LYRM4: variants seen among roughly 807,000 people sequenced by gnomAD.
LYRM4 encodes the protein LYR motif-containing protein 4.
In LYRM4, 9 loss-of-function variants were observed where a neutral mutation model predicts 11.7. The observed-to-expected ratio is 0.77, with a 90% CI of 0.46 to 1.34. LYRM4 has a LOEUF of 1.34. LYRM4 is among the 40% of genes most tolerant of loss of function. The pLI is 0.00. For synonymous variants in LYRM4, 42 were observed against 40.4 expected (o/e 1.04, Z -0.15); for missense variants, 133 against 112.5 (o/e 1.18, Z -0.82).
chr6:5,206,202 T>C (rs1463387553), intron 2 of LYRM4, among the ~76,000 whole-genome samples: 1 of 152,224 alleles, frequency 6.6e-6, no homozygotes, highest in Non-Finnish European at 1.5e-5. Context: ...TAGCATTTAT[T>C]TTCAGAACCA....
intron 2 of LYRM4, among the ~76,000 whole-genome samples, chr6:5,208,314 C>A (rs1041176549): frequency 1.2e-4 from 18 of 152,224 alleles, no homozygotes; most frequent in Admixed American, 6.5e-5. Context: ...AGAACTTCCG[C>A]TTCTTGCCTG....
At chr6:5,085,809 A>T in the LYRM4 span, 1 of 1,529,050 alleles carries the variant, frequency 6.5e-7, no homozygotes, top group Non-Finnish European at 8.8e-7. Context: ...AGGCGGTGGC[A>T]CTGGGCGGCG....
intron 1 of LYRM4, among the ~76,000 whole-genome samples, chr6:5,255,610 C>T (rs1436943403): frequency 6.6e-6 from 1 of 152,122 alleles, no homozygotes; most frequent in Non-Finnish European, 1.5e-5. Context: ...TGAAGAACCA[C>T]ATTCTTAAAC....
intron 2 of LYRM4, 103 bp downstream of exon 2, chr6:5,216,515 C>T: frequency 7.6e-7 from 1 of 1,312,754 alleles, no homozygotes; most frequent in Non-Finnish European, 1.1e-6. Context: ...CATGATCCTG[C>T]TCTGTAAATC....
At chr6:5,118,094 A>ATATATATATATATTTTTTT in intron 2 of LYRM4, among the ~76,000 whole-genome samples, 112 of 86,022 alleles carry the variant, frequency 1.3e-3, no homozygotes, top group African/African-American at 3.7e-3. Context: ...ATATATATAT[A>ATATATATATATATTTTTTT]TTTTTGTTTT....
intron 2 of LYRM4, among the ~76,000 whole-genome samples, chr6:5,118,360 G>A (rs1378334526): frequency 2.6e-5 from 4 of 151,942 alleles, no homozygotes; most frequent in East Asian, 1.9e-4. Flanking sequence ...CAGGTGATCC[G>A]CCTGACTCGG....
At chr6:5,135,833 C>T (rs1757064390) in intron 2 of LYRM4, among the ~76,000 whole-genome samples, 1 of 152,160 alleles carries the variant, frequency 6.6e-6, no homozygotes, top group African/African-American at 2.4e-5. Flanking sequence ...CATTGTTGTA[C>T]AACCATCAAC....
At chr6:5,246,764 A>C (rs912784571) in intron 1 of LYRM4, among the ~76,000 whole-genome samples, 32 of 151,982 alleles carry the variant, frequency 2.1e-4, no homozygotes, top group Non-Finnish European at 2.6e-4. Context: ...GTGGATGTGG[A>C]GCAGTTGCCT....
At chr6:5,181,709 C>T (rs557864485) in intron 2 of LYRM4, among the ~76,000 whole-genome samples, 1 of 152,180 alleles carries the variant, frequency 6.6e-6, no homozygotes, top group Non-Finnish European at 1.5e-5. Flanking sequence ...GAGATGTTGC[C>T]AAACATCCCA....
At chr6:5,117,185 A>C (rs1347911750) in intron 2 of LYRM4, among the ~76,000 whole-genome samples, 1 of 152,208 alleles carries the variant, frequency 6.6e-6, no homozygotes, top group Non-Finnish European at 1.5e-5. Context: ...TTAAACAAGC[A>C]CAGTGCCAGG....
the LYRM4 span, among the ~76,000 whole-genome samples, chr6:5,037,969 CG>C: frequency 2.8e-3 from 165 of 59,118 alleles, 45 homozygotes; most frequent in African/African-American, 6.9e-3. Context: ...CCCTCCCGGA[CG>C]GGGTGGCTGC....
intron 2 of LYRM4, among the ~76,000 whole-genome samples, chr6:5,159,223 C>T (rs1449801557): frequency 6.6e-6 from 1 of 152,146 alleles, no homozygotes; most frequent in Non-Finnish European, 1.5e-5. Context: ...GCCCCAGACA[C>T]GTATGTGGGT....
chr6:5,160,517 A>G (rs2127653270), intron 2 of LYRM4, among the ~76,000 whole-genome samples: 1 of 152,234 alleles, frequency 6.6e-6, no homozygotes, highest in East Asian at 1.9e-4. Context: ...TTATAATATC[A>G]GATTTAAAGG....
At chr6:5,113,775 C>T (rs373949549) in intron 2 of LYRM4, among the ~76,000 whole-genome samples, 1 of 151,562 alleles carries the variant, frequency 6.6e-6, no homozygotes, top group South Asian at 2.1e-4. Context: ...CTATGTTGCC[C>T]AGGCTGGTCT....
intron 2 of LYRM4, among the ~76,000 whole-genome samples, chr6:5,170,212 C>T (rs1466458031): frequency 6.6e-6 from 1 of 152,182 alleles, no homozygotes; most frequent in Non-Finnish European, 1.5e-5. Flanking sequence ...TGTTTGAAAG[C>T]AAGCATTTTC....
the LYRM4 span, among the ~76,000 whole-genome samples, chr6:5,096,893 G>A: frequency 3.0e-4 from 46 of 152,330 alleles, no homozygotes; most frequent in East Asian, 8.3e-3. Flanking sequence ...AAGCATAACT[G>A]AATCTTCCAG....
intron 2 of LYRM4, among the ~76,000 whole-genome samples, chr6:5,184,950 G>A (rs1023205463): frequency 2.0e-5 from 3 of 152,174 alleles, no homozygotes; most frequent in African/African-American, 7.2e-5. Context: ...GGTCAGGGTC[G>A]CACGAGGTTG....
intron 2 of LYRM4, among the ~76,000 whole-genome samples, chr6:5,191,239 T>A (rs1708472558): frequency 6.6e-6 from 1 of 152,266 alleles, no homozygotes; most frequent in East Asian, 1.9e-4. Flanking sequence ...AAGTTCACGA[T>A]GCATTTGGTA....
At chr6:5,042,286 G>A in the LYRM4 span, among the ~76,000 whole-genome samples, 1 of 151,796 alleles carries the variant, frequency 6.6e-6, no homozygotes, top group African/African-American at 2.4e-5. Flanking sequence ...TGTTTTTCTT[G>A]TTAAATGATG....
Sources: gnomAD v4.1 joint callset for allele counts (sites outside exome capture counted in the v4.1 genomes callset) on GRCh38, gnomAD v4.1.1 for gene constraint, MANE v1.5 for transcripts, NCBI Gene and HGNC (gene_info 2026-07-23, HGNC 2026-07-21) for gene names.